VWA3B: variants seen among roughly 807,000 people sequenced by gnomAD.
VWA3B encodes von Willebrand factor A domain containing 3B.
Under a neutral mutation model 158.3 loss-of-function variants are expected in VWA3B, and 138 were observed. That is an observed-to-expected ratio of 0.87 (90% CI 0.76 to 1.00). VWA3B has a LOEUF of 1.00. Ranked by LOEUF, VWA3B falls within the 50% of genes least tolerant of loss-of-function variation. VWA3B has a pLI of 0.00. For synonymous variants in VWA3B, 596 were observed against 587.3 expected (o/e 1.01, Z -0.21); for missense variants, 1,555 against 1,565.1 (o/e 0.99, Z 0.11).
intron 13 of VWA3B, 94 bp downstream of exon 13, chr2:98,212,122 A>G: frequency 2.9e-6 from 3 of 1,051,516 alleles, no homozygotes; most frequent in East Asian, 4.8e-5. Flanking sequence ...GCTGCCACCA[A>G]AAATCTGTGG....
rs1674599703 is a variant in VWA3B, at chr2:98,117,176, A to T, written c.291+1430A>T. On this transcript the variant is annotated intron_variant, in intron 3 of 27. Coordinates refer to ENST00000477737, the MANE Select transcript of VWA3B (RefSeq NM_144992.5). ...TGTGATTGCTTGGAGGTAAGAGGAC[A>T]CTCTGGACTGAAGAGTTTACGGAAT... Among the ~76,000 whole-genome samples the T allele has an allele frequency of 2.0e-5, 3 of 152,126 alleles. No homozygotes were observed. The South Asian group carries it at 6.2e-4, about 32-fold the overall frequency.
intron 9 of VWA3B, among the ~76,000 whole-genome samples, chr2:98,187,320 G>A (rs1372656757): frequency 6.6e-6 from 1 of 152,148 alleles, no homozygotes; most frequent in African/African-American, 2.4e-5. Context: ...CATTGTGTGT[G>A]TTTGTATTCC....
intron 21 of VWA3B, among the ~76,000 whole-genome samples, chr2:98,261,411 GT>G (rs1687471702): frequency 6.6e-6 from 1 of 151,682 alleles, no homozygotes; most frequent in Admixed American, 6.6e-5. Flanking sequence ...CTCTTAAAGA[GT>G]AAAGAAAACA....
intron 20 of VWA3B, 70 bp downstream of exon 20, chr2:98,250,506 T>G: frequency 7.9e-7 from 1 of 1,261,768 alleles, no homozygotes; most frequent in Non-Finnish European, 1.1e-6. Flanking sequence ...ACTTCTCTTG[T>G]TTTAGCTTAG....
intron 22 of VWA3B, among the ~76,000 whole-genome samples, chr2:98,280,914 AC>A (rs2105918640): frequency 6.6e-6 from 1 of 152,118 alleles, no homozygotes; most frequent in East Asian, 1.9e-4. Context: ...TCACAAGAAG[AC>A]CTTGCTGCTT....
At chr2:98,109,358 A>G (rs1673951454) in intron 2 of VWA3B, among the ~76,000 whole-genome samples, 1 of 152,172 alleles carries the variant, frequency 6.6e-6, no homozygotes, top group Non-Finnish European at 1.5e-5. Flanking sequence ...TACATTATGA[A>G]TACATACATT....
At chr2:98,208,205 C>A (rs926355122) in intron 12 of VWA3B, among the ~76,000 whole-genome samples, 1 of 151,810 alleles carries the variant, frequency 6.6e-6, no homozygotes, top group African/African-American at 2.4e-5. Context: ...TAAATATTTG[C>A]GTAATACGTT....
rs530315038 is a variant in VWA3B at position 98,311,643 on chromosome 2, C to CT, written c.3522-175dup. On this transcript the variant is annotated intron_variant, in intron 26 of 27. Transcript: ENST00000477737. ...AACACCAAAGGCTCGTGGAAATGAACTGAGTGGACCTAAGCCCAGCCTAAA... is the reference window on the plus strand; with the variant it reads ...AACACCAAAGGCTCGTGGAAATGAACTTGAGTGGACCTAAGCCCAGCCTAAA... Among the ~76,000 whole-genome samples, 328 of 152,276 alleles carry CT rather than the reference C, an allele frequency of 2.2e-3. 3 individuals are homozygous for CT. The highest frequency in any genetic ancestry group is 7.8e-4 in the Non-Finnish European group (53 of 68,022).
At chr2:98,127,265 T>C (rs372842387) in intron 5 of VWA3B, among the ~76,000 whole-genome samples, 98 of 152,128 alleles carry the variant, frequency 6.4e-4, no homozygotes, top group African/African-American at 2.2e-3. Flanking sequence ...AATGCACACA[T>C]AGTTGGAAGT....
At chr2:98,228,629 G>T (rs1226986247) in intron 15 of VWA3B, among the ~76,000 whole-genome samples, 1 of 152,144 alleles carries the variant, frequency 6.6e-6, no homozygotes, top group Admixed American at 6.5e-5. Flanking sequence ...TGGGGAAGGA[G>T]CTCTGACTCA....
At chr2:98,122,886 G>T (rs1675076349) in intron 5 of VWA3B, among the ~76,000 whole-genome samples, 1 of 152,172 alleles carries the variant, frequency 6.6e-6, no homozygotes, top group Admixed American at 6.5e-5. Flanking sequence ...AAGCTTCCAG[G>T]CACTGATCAT....
intron 25 of VWA3B, among the ~76,000 whole-genome samples, chr2:98,303,256 C>T (rs1256781499): frequency 8.3e-6 from 1 of 120,744 alleles, no homozygotes; most frequent in Non-Finnish European, 1.8e-5. Context: ...GTGGCATGGC[C>T]GGGGGCGGGG....
At chr2:98,112,560 C>T (rs1308931419) in intron 2 of VWA3B, among the ~76,000 whole-genome samples, 2 of 151,406 alleles carry the variant, frequency 1.3e-5, no homozygotes, top group African/African-American at 4.9e-5. Flanking sequence ...ATCTTTTTTT[C>T]TATAACTGCT....
intron 10 of VWA3B, among the ~76,000 whole-genome samples, chr2:98,188,486 C>T (rs942933912): frequency 1.3e-5 from 2 of 152,004 alleles, no homozygotes; most frequent in African/African-American, 4.8e-5. Flanking sequence ...GCTAACCAAC[C>T]TCCCTATCCT....
intron 12 of VWA3B, among the ~76,000 whole-genome samples, chr2:98,211,028 C>T (rs116152527): frequency 0.039 from 6,005 of 152,310 alleles, 184 homozygotes; most frequent in South Asian, 0.063. Context: ...CAGCATCCAG[C>T]GCTCTGCAGT....
chr2:98,327,793 A>G, the VWA3B span, among the ~76,000 whole-genome samples: 1 of 152,230 alleles, frequency 6.6e-6, no homozygotes, highest in Non-Finnish European at 1.5e-5. Flanking sequence ...AAATTTTTGC[A>G]CATCCAATTA....
chr2:98,190,242 T>C (rs1222354329), intron 10 of VWA3B, among the ~76,000 whole-genome samples: 2 of 152,186 alleles, frequency 1.3e-5, no homozygotes, highest in Non-Finnish European at 2.9e-5. Context: ...GGATTTACAA[T>C]ATTTATCTTA....
chr2:98,293,763 T>C (rs922799903), intron 23 of VWA3B, among the ~76,000 whole-genome samples: 2 of 152,174 alleles, frequency 1.3e-5, no homozygotes, highest in African/African-American at 4.8e-5. Flanking sequence ...ACAATAAAGG[T>C]AGAAAATTCA....
At chr2:98,222,404 G>C (rs187723760) in intron 14 of VWA3B, among the ~76,000 whole-genome samples, 1 of 152,308 alleles carries the variant, frequency 6.6e-6, no homozygotes, top group Non-Finnish European at 1.5e-5. Context: ...TGTTTACTTG[G>C]ATAGGTGGGC....
Sources: allele counts gnomAD v4.1 joint callset (sites outside exome capture counted in the v4.1 genomes callset), GRCh38; gene constraint gnomAD v4.1.1; transcripts MANE v1.5; gene names NCBI Gene and HGNC (gene_info 2026-07-23, HGNC 2026-07-21).